The following RUNX2 variants were observed in gnomAD, a reference collection of about 807,000 sequenced individuals.
RUNX2 encodes the protein RUNX family transcription factor 2, also known as runt-related transcription factor 2.
A neutral mutation model predicts 51.7 loss-of-function variants in RUNX2; 10 were observed. The observed-to-expected ratio is 0.19, with a 90% CI of 0.12 to 0.33. The LOEUF is 0.33. RUNX2 is among the 10% of genes least tolerant of loss of function. The pLI is 1.00. For synonymous variants in RUNX2, 276 were observed against 273.6 expected (o/e 1.01, Z -0.09); for missense variants, 562 against 691.3 (o/e 0.81, Z 2.10).
chr6:45,452,292 G>A (rs1248468379), intron 5 of RUNX2, among the ~76,000 whole-genome samples: 2 of 152,196 alleles, frequency 1.3e-5, no homozygotes, highest in East Asian at 3.8e-4. Flanking sequence ...TCACAGGGAA[G>A]GAAACAGAGA....
At chr6:45,509,100 C>G (rs1293900273) in intron 6 of RUNX2, among the ~76,000 whole-genome samples, 1 of 152,140 alleles carries the variant, frequency 6.6e-6, no homozygotes, top group African/African-American at 2.4e-5. Context: ...GGATTCAACT[C>G]TTTGAGATAG....
At chr6:45,515,493 G>A (rs546750833) in intron 7 of RUNX2, among the ~76,000 whole-genome samples, 1 of 152,278 alleles carries the variant, frequency 6.6e-6, no homozygotes, top group East Asian at 1.9e-4. Flanking sequence ...ATATCCATAT[G>A]TAATTTACAG....
intron 6 of RUNX2, among the ~76,000 whole-genome samples, chr6:45,493,368 G>A (rs1034756467): frequency 6.6e-6 from 1 of 152,116 alleles, no homozygotes; most frequent in Non-Finnish European, 1.5e-5. Context: ...GGGTTGAAAG[G>A]TCAATGTGTT....
chr6:45,390,988 T>G (rs2150346936), intron 2 of RUNX2, among the ~76,000 whole-genome samples: 1 of 152,324 alleles, frequency 6.6e-6, no homozygotes. Context: ...TTTATTTATT[T>G]ACAAAATATG....
At chr6:45,460,799 CA>C (rs1799453847) in intron 5 of RUNX2, among the ~76,000 whole-genome samples, 1 of 151,958 alleles carries the variant, frequency 6.6e-6, no homozygotes, top group Admixed American at 6.6e-5. Flanking sequence ...TGACCCTTGA[CA>C]AACCACTTTG....
At chr6:45,374,259 A>C (rs1434200411) in intron 2 of RUNX2, among the ~76,000 whole-genome samples, 1 of 152,236 alleles carries the variant, frequency 6.6e-6, no homozygotes, top group Non-Finnish European at 1.5e-5. Flanking sequence ...ATAACATCTC[A>C]GAACATTATT....
At chr6:45,467,853 T>C (rs963997483) in intron 5 of RUNX2, among the ~76,000 whole-genome samples, 6 of 152,224 alleles carry the variant, frequency 3.9e-5, no homozygotes, top group Non-Finnish European at 1.5e-5. Context: ...TTAAATAATA[T>C]ATCTCTGTAA....
At chr6:45,516,217 C>T (rs1187516950) in intron 7 of RUNX2, among the ~76,000 whole-genome samples, 1 of 152,076 alleles carries the variant, frequency 6.6e-6, no homozygotes, top group Admixed American at 6.5e-5. Flanking sequence ...TACTTTACTG[C>T]AGAGAAAGAT....
In RUNX2 at chr6:45,439,031, A is replaced by G. The variant is rs554495124; in HGVS notation, c.685+980A>G. ...AACCTGCATAGACCATGAGAGTGGC[A>G]TATCTTTTCTTCCCCTAAAATGAGA... On this transcript the variant is annotated intron_variant, in intron 5 of 8. Transcript: ENST00000647337. Among the ~76,000 whole-genome samples, 34 of 152,286 alleles carry G rather than the reference A, an allele frequency of 2.2e-4. No individual in the cohort carries two copies. The South Asian group carries it at 6.8e-3, about 31-fold the overall frequency.
At chr6:45,391,937 A>G (rs759814670) in intron 2 of RUNX2, among the ~76,000 whole-genome samples, 2 of 152,192 alleles carry the variant, frequency 1.3e-5, no homozygotes, top group Admixed American at 6.5e-5. Flanking sequence ...TAAATATTCA[A>G]ATAATACTTC....
In RUNX2 at chr6:45,547,568, C is replaced by A; in HGVS notation, c.*263C>A. On this transcript the variant is annotated 3_prime_UTR_variant, in exon 9 of 9. Coordinates refer to ENST00000647337, the MANE Select transcript of RUNX2 (RefSeq NM_001024630.4). ...TTTAAGATGTACTTTTACAAAGGAACAAAGAAGGGAAAAGGTATTTTTGTT... is the reference window on the plus strand; with the variant it reads ...TTTAAGATGTACTTTTACAAAGGAAAAAAGAAGGGAAAAGGTATTTTTGTT... The A allele has an allele frequency of 1.9e-6, 1 of 519,086 alleles. No homozygotes were observed. 32.2% of individuals were successfully genotyped at this position (519,086 alleles called of 1,614,324 possible).
intron 7 of RUNX2, among the ~76,000 whole-genome samples, chr6:45,519,790 ATGTGTGTGTGTGTGTGTGTGTGTGTG>A (rs35210688): frequency 2.4e-5 from 3 of 124,124 alleles, no homozygotes; most frequent in Admixed American, 8.7e-5. Flanking sequence ...ATATATATAT[ATGTGTGTGTGTGTGTGTGTGTGTGTG>A]TGTGTGTGTG....
intron 2 of RUNX2, among the ~76,000 whole-genome samples, chr6:45,373,625 A>G (rs1340755702): frequency 6.6e-6 from 1 of 152,064 alleles, no homozygotes; most frequent in Non-Finnish European, 1.5e-5. Context: ...ATCTCGGCTC[A>G]CTGCAACCTC....
At chr6:45,480,011 A>G (rs1800064538) in intron 5 of RUNX2, among the ~76,000 whole-genome samples, 1 of 152,266 alleles carries the variant, frequency 6.6e-6, no homozygotes, top group African/African-American at 2.4e-5. Context: ...AGTAAACTCC[A>G]GTAGTTCTGA....
chr6:45,515,422 G>C (rs1801290734), intron 7 of RUNX2, among the ~76,000 whole-genome samples: 1 of 152,172 alleles, frequency 6.6e-6, no homozygotes. Flanking sequence ...CCTGGCACAT[G>C]ATATGTGCCA....
intron 6 of RUNX2, among the ~76,000 whole-genome samples, chr6:45,495,451 T>C (rs1460180820): frequency 6.6e-6 from 1 of 152,258 alleles, no homozygotes; most frequent in Non-Finnish European, 1.5e-5. Flanking sequence ...ACTGTTCGGT[T>C]TTATTCAAGT....
intron 2 of RUNX2, among the ~76,000 whole-genome samples, chr6:45,397,528 C>T (rs1383374220): frequency 6.6e-6 from 1 of 152,172 alleles, no homozygotes; most frequent in Non-Finnish European, 1.5e-5. Context: ...TCCTTGCTAA[C>T]ATTTGTTATT....
intron 5 of RUNX2, among the ~76,000 whole-genome samples, chr6:45,469,313 TG>T (rs1799730200): frequency 6.6e-6 from 1 of 152,242 alleles, no homozygotes; most frequent in Non-Finnish European, 1.5e-5. Context: ...GGTAAATGAA[TG>T]GTTAATTTTA....
chr6:45,474,035 G>A (rs1489806903), intron 5 of RUNX2, among the ~76,000 whole-genome samples: 2 of 152,144 alleles, frequency 1.3e-5, no homozygotes, highest in Non-Finnish European at 2.9e-5. Context: ...TAAAAGAAAA[G>A]AAAAATTGCC....
Sources: gnomAD v4.1 joint callset for allele counts (sites outside exome capture counted in the v4.1 genomes callset) on GRCh38, gnomAD v4.1.1 for gene constraint, MANE v1.5 for transcripts, NCBI Gene and HGNC (gene_info 2026-07-23, HGNC 2026-07-21) for gene names.